The following GPBP1L1 variants were observed in gnomAD, a reference collection of about 807,000 sequenced individuals.
GPBP1L1 encodes vasculin-like protein 1.
A neutral mutation model predicts 52.5 loss-of-function variants in GPBP1L1; 23 were observed. The ratio of observed to expected loss-of-function variants is 0.44; its 90% CI spans 0.32 to 0.62. The LOEUF is 0.62. Ranked by LOEUF, GPBP1L1 falls within the 20% of genes least tolerant of loss-of-function variation. The probability of loss-of-function intolerance (pLI) is 0.06; values close to 1 mark genes in which losing one functional copy is unlikely to be tolerated. For synonymous variants in GPBP1L1, 243 were observed against 203.1 expected, an observed-to-expected ratio of 1.20 and a Z score of -1.67; for missense variants, 596 against 579.3, an observed-to-expected ratio of 1.03 and a Z score of -0.30.
In GPBP1L1 at chr1:45,663,817, T is replaced by C. The variant is rs557836234; in HGVS notation, c.-1097-2592A>G. Among the ~76,000 whole-genome samples the C allele has an allele frequency of 7.2e-5, 11 of 152,364 alleles. No individual in the cohort carries two copies. The East Asian group carries it at 1.9e-3, about 27-fold the overall frequency. ...GTTTTTGTAACGAACTTACTTGCTC[T>C]GAAAATTTTAAATTAAAGATCTTTA... On this transcript the variant is annotated intron_variant, in intron 2 of 12. Transcript: ENST00000355105.
At chr1:45,635,420 T>G (rs1439287432) in intron 8 of GPBP1L1, 1 of 152,190 alleles carries the variant, frequency 6.6e-6, no homozygotes, top group Non-Finnish European at 1.5e-5. Context: ...TCCCCTGAGT[T>G]GTAGTCACCA....
At position 45,663,856 on chromosome 1, in the gene GPBP1L1, G is replaced by A. The variant is rs149793670; in HGVS notation, c.-1097-2631C>T. On this transcript the variant is annotated intron_variant, in intron 2 of 12. Coordinates refer to ENST00000355105, the MANE Select transcript of GPBP1L1 (RefSeq NM_021639.5). ...TAAAGATCTTTAGTGATGTCTTTTA[G>A]GGCTGTGGCTATTTTTACAGAACGG... Among the ~76,000 whole-genome samples the A allele has an allele frequency of 8.7e-4, 133 of 152,250 alleles. 1 individual carries two copies. In the East Asian group the frequency reaches 0.02, roughly 23 times the overall value.
intron 6 of GPBP1L1, among the ~76,000 whole-genome samples, chr1:45,652,584 G>A (rs546242479): frequency 1.3e-5 from 2 of 152,076 alleles, no homozygotes; most frequent in Non-Finnish European, 2.9e-5. Flanking sequence ...GTTGGCTATG[G>A]TTATAATATT....
chr1:45,667,680 C>T (rs1645026774), intron 2 of GPBP1L1, among the ~76,000 whole-genome samples: 1 of 152,138 alleles, frequency 6.6e-6, no homozygotes, highest in Admixed American at 6.5e-5. Flanking sequence ...AAACTGTATC[C>T]AATTCTCCAA....
At chr1:45,686,211 G>C (rs1331657286) in intron 1 of GPBP1L1, among the ~76,000 whole-genome samples, 3 of 152,214 alleles carry the variant, frequency 2.0e-5, no homozygotes, top group Non-Finnish European at 2.9e-5. Context: ...CTCCATGCAC[G>C]GGGGAGGCGG....
upstream of GPBP1L1, chr1:45,687,784 T>G (rs1645308736): frequency 6.6e-6 from 1 of 152,280 alleles, no homozygotes; most frequent in Non-Finnish European, 1.5e-5. Context: ...CTGGGCTTTT[T>G]TCCCCCTCTA....
chr1:45,647,020 G>A (rs981442712), intron 6 of GPBP1L1, among the ~76,000 whole-genome samples: 5 of 150,462 alleles, frequency 3.3e-5, no homozygotes, highest in South Asian at 2.1e-4. Context: ...ATTTTCCTTC[G>A]CTGTCTAATT....
At chr1:45,641,045 C>G (rs1009588788) in intron 7 of GPBP1L1, among the ~76,000 whole-genome samples, 2 of 151,716 alleles carry the variant, frequency 1.3e-5, no homozygotes, top group African/African-American at 4.8e-5. Flanking sequence ...AAAAAAAACA[C>G]CTAAAAGTAG....
intron 6 of GPBP1L1, among the ~76,000 whole-genome samples, chr1:45,653,991 G>A (rs1396966010): frequency 1.3e-5 from 2 of 152,018 alleles, no homozygotes; most frequent in East Asian, 1.9e-4. Flanking sequence ...GAGCCACCGA[G>A]CCCAGCCTGA....
intron 2 of GPBP1L1, among the ~76,000 whole-genome samples, chr1:45,678,723 C>T (rs1260639294): frequency 3.3e-5 from 5 of 152,088 alleles, no homozygotes; most frequent in Admixed American, 1.3e-4. Flanking sequence ...ATAAAGTAAA[C>T]ATTTGCAACA....
intron 2 of GPBP1L1, among the ~76,000 whole-genome samples, chr1:45,665,480 G>C (rs1644998318): frequency 6.6e-6 from 1 of 152,092 alleles, no homozygotes; most frequent in Non-Finnish European, 1.5e-5. Flanking sequence ...GCCAAGCGCG[G>C]TGGCTCACAC....
upstream of GPBP1L1, chr1:45,686,860 C>G (rs1169944362): frequency 6.6e-6 from 1 of 152,586 alleles, no homozygotes; most frequent in African/African-American, 2.4e-5. Context: ...GTTTAGTACG[C>G]CCCTTCTAAC....
chr1:45,636,806 A>G (rs549670188), intron 8 of GPBP1L1, among the ~76,000 whole-genome samples: 12 of 152,212 alleles, frequency 7.9e-5, no homozygotes, highest in Non-Finnish European at 1.8e-4. Context: ...GTTAAGTTTG[A>G]GTCAAAAGAT....
At chr1:45,631,196 A>C (rs1644526733) in intron 10 of GPBP1L1, among the ~76,000 whole-genome samples, 1 of 152,184 alleles carries the variant, frequency 6.6e-6, no homozygotes, top group Non-Finnish European at 1.5e-5. Context: ...AAACTCCTAT[A>C]AGGATAACAT....
At chr1:45,683,329 C>G (rs1468833375) in intron 2 of GPBP1L1, among the ~76,000 whole-genome samples, 1 of 149,950 alleles carries the variant, frequency 6.7e-6, no homozygotes. Context: ...CCTCAGCCTC[C>G]CGAGTAGCTG....
chr1:45,669,481 A>G lies in GPBP1L1; in HGVS notation c.-1097-8256T>C, dbSNP rs143467726. 3.1e-3 allele frequency among the ~76,000 whole-genome samples: 474 copies of G among 152,346 alleles called. 2 individuals carry two copies. Among genetic ancestry groups the G allele is most frequent in the African/African-American group, 0.01 (419 of 41,590 alleles). On this transcript the variant is annotated intron_variant, in intron 2 of 12. Coordinates refer to ENST00000355105, the MANE Select transcript of GPBP1L1 (RefSeq NM_021639.5). ...ATTTAATAGCTCTATGGGAAAATCT[A>G]AAAGTATGCAGCATCTGACTTTTGA...
chr1:45,673,529 A>G (rs1218913630), intron 2 of GPBP1L1, among the ~76,000 whole-genome samples: 3 of 152,218 alleles, frequency 2.0e-5, no homozygotes, highest in Non-Finnish European at 2.9e-5. Flanking sequence ...TCACCCATGA[A>G]GCTGACTGTG....
chr1:45,634,397 T>C (rs1454041568), intron 8 of GPBP1L1, 161 bp from the exon 9 acceptor site: 8 of 629,224 alleles, frequency 1.3e-5, no homozygotes, highest in Non-Finnish European at 2.0e-5. Context: ...TTTCGGAGGT[T>C]AGGCACTTCA....
intron 2 of GPBP1L1, among the ~76,000 whole-genome samples, chr1:45,682,166 C>T (rs946980800): frequency 8.5e-5 from 13 of 152,134 alleles, no homozygotes; most frequent in Non-Finnish European, 1.5e-4. Context: ...ACTGGAAAAG[C>T]TCTACTTTCA....
Sources: gnomAD v4.1 joint callset for allele counts (sites outside exome capture counted in the v4.1 genomes callset) on GRCh38, gnomAD v4.1.1 for gene constraint, MANE v1.5 for transcripts, NCBI Gene and HGNC (gene_info 2026-07-23, HGNC 2026-07-21) for gene names.